Variants in HS3ST1 observed in about 807,000 individuals in gnomAD.
The protein encoded by HS3ST1 is heparan sulfate glucosamine 3-O-sulfotransferase 1.
In HS3ST1, 8 loss-of-function variants were observed where a neutral mutation model predicts 20.7. The observed-to-expected ratio is 0.39, with a 90% CI of 0.23 to 0.70. HS3ST1 has a LOEUF of 0.70. HS3ST1 is among the 30% of genes least tolerant of loss of function. The pLI is 0.46. For missense variants in HS3ST1, 436 were observed against 423.4 expected (o/e 1.03, Z -0.26); for synonymous variants, 205 against 190.4 (o/e 1.08, Z -0.63).
At chr4:11,408,378 T>G (rs946870349) in intron 1 of HS3ST1, among the ~76,000 whole-genome samples, 2 of 152,182 alleles carry the variant, frequency 1.3e-5, no homozygotes, top group African/African-American at 2.4e-5. Flanking sequence ...AATGGGATCC[T>G]GGGATGATAA....
At chr4:11,422,194 T>G (rs1009114007) in intron 1 of HS3ST1, among the ~76,000 whole-genome samples, 1 of 152,242 alleles carries the variant, frequency 6.6e-6, no homozygotes, top group African/African-American at 2.4e-5. Flanking sequence ...CAATTTTGAC[T>G]ACGTCTTATC....
At chr4:11,432,736 G>C (rs1470749084), upstream of HS3ST1, among the ~76,000 whole-genome samples, 1 of 152,190 alleles carries the variant, frequency 6.6e-6, no homozygotes, top group East Asian at 1.9e-4. Context: ...CTGAGGTCTA[G>C]AATTGTTTCT....
At chr4:11,400,139 A>C (rs1718283806) in intron 1 of HS3ST1, 26 bp from the exon 2 acceptor site, 1 of 1,419,556 alleles carries the variant, frequency 7.0e-7, no homozygotes, top group Non-Finnish European at 9.2e-7. Context: ...GGAAGATATT[A>C]ACATATAACA....
In HS3ST1 at chr4:11,396,655, T is replaced by C. The variant is rs1718153899; in HGVS notation, c.*2427A>G. ...CTTGGGTAAGTCTGGAGTGATGGTT[T>C]CTTACACAGTGTACCTTCTCAATGA... On this transcript the variant is annotated 3_prime_UTR_variant, in exon 2 of 2. Transcript: ENST00000002596. 1 of 152,294 alleles carries C rather than the reference T, an allele frequency of 6.6e-6. No individual in the cohort carries two copies. The highest frequency in any genetic ancestry group is 1.5e-5 in the Non-Finnish European group (1 of 68,118). 9.4% of individuals were successfully genotyped at this position (152,294 alleles called of 1,614,324 possible).
chr4:11,418,036 A>G (rs1161727754), intron 1 of HS3ST1, among the ~76,000 whole-genome samples: 1 of 152,220 alleles, frequency 6.6e-6, no homozygotes, highest in Non-Finnish European at 1.5e-5. Flanking sequence ...CCAAGAGGAC[A>G]CAAGGGGAAA....
At position 11,399,377 on chromosome 4, in the gene HS3ST1, C is replaced by G. The variant is rs1161685509; in HGVS notation, c.629G>C (p.Arg210Pro). Reference sequence around the variant, plus strand: ...GTCGCCGTCCACAATGTGGATGTGGCGCAGCGGGAAAAAGCGCAGCCAGTT... The same window carrying G: ...GTCGCCGTCCACAATGTGGATGTGGGGCAGCGGGAAAAAGCGCAGCCAGTT... ...MQNWLRFFPL[R>P]HIHIVDGDRL... Residue 210 changes from arginine to proline, a missense_variant, in exon 2 of 2, where the codon CGC becomes CCC. Physicochemically the swap from Arg to Pro is moderately radical, Grantham distance 103 (BLOSUM62 -2). Transcript: ENST00000002596. This position sits in a 1 kb window ranked among gnomAD's most constrained non-coding sequence, Gnocchi z 5.1. The G allele has an allele frequency of 1.3e-5, 21 of 1,613,810 alleles. No homozygotes were observed. The East Asian group carries it at 4.5e-4, about 34-fold the overall frequency.
intron 1 of HS3ST1, among the ~76,000 whole-genome samples, chr4:11,422,776 T>C (rs1718970656): frequency 6.6e-6 from 1 of 151,926 alleles, no homozygotes; most frequent in Admixed American, 6.6e-5. Context: ...AATTTTATAA[T>C]AAAAATGTCA....
intron 1 of HS3ST1, among the ~76,000 whole-genome samples, chr4:11,425,574 G>T (rs1560238329): frequency 6.6e-6 from 1 of 152,188 alleles, no homozygotes; most frequent in Non-Finnish European, 1.5e-5. Flanking sequence ...CCAATTAAAA[G>T]AAATCTCTCC....
At chr4:11,421,612 C>G (rs931673507) in intron 1 of HS3ST1, among the ~76,000 whole-genome samples, 7 of 152,204 alleles carry the variant, frequency 4.6e-5, no homozygotes, top group African/African-American at 1.2e-4. Flanking sequence ...TTACATAAAA[C>G]AACCTACCAC....
At chr4:11,411,120 T>C (rs1164028730) in intron 1 of HS3ST1, among the ~76,000 whole-genome samples, 2 of 152,132 alleles carry the variant, frequency 1.3e-5, no homozygotes, top group Non-Finnish European at 2.9e-5. Flanking sequence ...TTTATCATGA[T>C]CATTTGAAAA....
chr4:11,433,346 T>C (rs1054662173), upstream of HS3ST1, among the ~76,000 whole-genome samples: 3 of 152,172 alleles, frequency 2.0e-5, no homozygotes, highest in African/African-American at 7.2e-5. Flanking sequence ...AAATACAATT[T>C]CATAAAAAAG....
chr4:11,402,828 G>A (rs1718360626), intron 1 of HS3ST1, among the ~76,000 whole-genome samples: 1 of 152,232 alleles, frequency 6.6e-6, no homozygotes, highest in African/African-American at 2.4e-5. Context: ...GGTTAGTGTA[G>A]TGTACATCTG....
chr4:11,395,818 G>A lies in HS3ST1; in HGVS notation c.*3264C>T, dbSNP rs1718122321. 6.6e-6 allele frequency: 1 copy of A among 152,044 alleles called. No homozygotes were observed. 9.4% of individuals were successfully genotyped at this position (152,044 alleles called of 1,614,324 possible). ...CTCAGTTTCCTCTTCTCTATAAGGG[G>A]GCTAGTTGATTTCTCTCAGGAATGT... On this transcript the variant is annotated 3_prime_UTR_variant, in exon 2 of 2. Transcript: ENST00000002596.
upstream of HS3ST1, among the ~76,000 whole-genome samples, chr4:11,430,555 T>C (rs533610423): frequency 3.3e-5 from 5 of 152,318 alleles, no homozygotes; most frequent in African/African-American, 1.2e-4. Context: ...GTTTTAATGC[T>C]CTAAGTTGGT....
At chr4:11,430,308 T>C (rs945179182), upstream of HS3ST1, among the ~76,000 whole-genome samples, 7 of 148,414 alleles carry the variant, frequency 4.7e-5, no homozygotes, top group Non-Finnish European at 8.9e-5. Context: ...TAAAAAAAAA[T>C]ACAAATTCTA....
Position 11,396,732 on chromosome 4 carries a change from C to G in HS3ST1, c.*2350G>C, listed in dbSNP as rs1718155654. ...TGAACAGATAGTGCCACTAGGACCTCTGATCCCTTGCTCATGGTAGACTCA... is the reference window on the plus strand; with the variant it reads ...TGAACAGATAGTGCCACTAGGACCTGTGATCCCTTGCTCATGGTAGACTCA... On this transcript the variant is annotated 3_prime_UTR_variant, in exon 2 of 2. Coordinates refer to ENST00000002596, the MANE Select transcript of HS3ST1 (RefSeq NM_005114.4). 6.6e-6 allele frequency: 1 copy of G among 152,308 alleles called. No homozygotes were observed. Among genetic ancestry groups the G allele is most frequent in the South Asian group, 2.1e-4 (1 of 4,830 alleles). 9.4% of individuals were successfully genotyped at this position (152,308 alleles called of 1,614,324 possible). A position where few individuals can be genotyped will look rare whatever the true frequency, so the allele number is the denominator to read the frequency against.
intron 1 of HS3ST1, among the ~76,000 whole-genome samples, chr4:11,401,403 G>C (rs1342296674): frequency 6.7e-6 from 1 of 149,480 alleles, no homozygotes; most frequent in Admixed American, 6.7e-5. Context: ...GGAGTGCAAT[G>C]GTGTGATCTC....
At chr4:11,404,439 A>G (rs1005468331) in intron 1 of HS3ST1, among the ~76,000 whole-genome samples, 1 of 152,256 alleles carries the variant, frequency 6.6e-6, no homozygotes, top group Admixed American at 6.5e-5. Context: ...TGTGTAGCAC[A>G]TCTCAAGGAC....
intron 1 of HS3ST1, among the ~76,000 whole-genome samples, chr4:11,409,884 A>C (rs889211455): frequency 2.0e-5 from 3 of 152,194 alleles, no homozygotes; most frequent in Non-Finnish European, 4.4e-5. Context: ...TTGGCTAAAG[A>C]AGCAGGTGCT....
Sources: gnomAD v4.1 joint callset for allele counts (sites outside exome capture counted in the v4.1 genomes callset) on GRCh38, gnomAD v4.1.1 for gene constraint, Gnocchi (gnomAD v3.1) non-coding constraint, MANE v1.5 for transcripts, NCBI Gene and HGNC (gene_info 2026-07-23, HGNC 2026-07-21) for gene names.